TMEM232: variants seen among roughly 807,000 people sequenced by gnomAD.
The protein encoded by TMEM232 is transmembrane protein 232.
Under a neutral mutation model 78.8 loss-of-function variants are expected in TMEM232, and 80 were observed. The ratio of observed to expected loss-of-function variants is 1.01; its 90% CI spans 0.85 to 1.22. TMEM232 has a LOEUF of 1.22. TMEM232 is among the 50% of genes most tolerant of loss of function. The probability of loss-of-function intolerance (pLI) is 0.00; values close to 1 mark genes in which losing one functional copy is unlikely to be tolerated. For missense variants in TMEM232, 881 were observed against 742.2 expected (o/e 1.19, Z -2.17); for synonymous variants, 297 against 254.3 (o/e 1.17, Z -1.60).
intron 8 of TMEM232, among the ~76,000 whole-genome samples, chr5:110,613,177 T>G (rs1782523819): frequency 6.6e-6 from 1 of 152,164 alleles, no homozygotes; most frequent in African/African-American, 2.4e-5. Context: ...TTGCCTTCCT[T>G]GAGCCCTTTT....
chr5:110,585,929 A>T (rs1482500007), intron 10 of TMEM232, among the ~76,000 whole-genome samples: 1 of 152,308 alleles, frequency 6.6e-6, no homozygotes, highest in African/African-American at 2.4e-5. Context: ...CTCATCCCAA[A>T]CTAGTCACTA....
chr5:110,590,452 C>G (rs1474369919), intron 10 of TMEM232, among the ~76,000 whole-genome samples: 6 of 152,012 alleles, frequency 3.9e-5, no homozygotes. Context: ...GAACATGAAC[C>G]CTATTGTGAA....
At chr5:110,672,735 A>G (rs1791523765) in intron 1 of TMEM232, among the ~76,000 whole-genome samples, 1 of 152,164 alleles carries the variant, frequency 6.6e-6, no homozygotes, top group African/African-American at 2.4e-5. Context: ...AGAAAAAAAT[A>G]TTAGTTCTTT....
rs541832916 is a variant in TMEM232 at position 110,594,791 on chromosome 5, G to A, written c.1276+10318C>T. 3.0e-4 allele frequency among the ~76,000 whole-genome samples: 46 copies of A among 152,340 alleles called. 1 individual carries two copies. Among genetic ancestry groups the A allele is most frequent in the African/African-American group, 1.1e-3 (46 of 41,582 alleles). On this transcript the variant is annotated intron_variant, in intron 10 of 13. Coordinates refer to ENST00000455884, the MANE Select transcript of TMEM232 (RefSeq NM_001039763.4). The stretch of plus-strand genomic sequence containing the variant: ...AGAAAGGCAGCAGCCCCAGTCAGGG[G>A]CTTATAGATAAAACTCCCATCTCCC...
intron 1 of TMEM232, chr5:110,725,808 T>G (rs1454726917): frequency 6.6e-6 from 1 of 152,128 alleles, no homozygotes; most frequent in Non-Finnish European, 1.5e-5. Flanking sequence ...ACTGTATACT[T>G]TAAAAGACAA....
intron 12 of TMEM232, among the ~76,000 whole-genome samples, chr5:110,473,935 C>T (rs1482165230): frequency 1.0e-5 from 1 of 97,170 alleles, no homozygotes; most frequent in Non-Finnish European, 2.0e-5. Context: ...AAATAACTTA[C>T]TCCTGTGTGA....
At chr5:110,585,177 T>C (rs1338257436) in intron 10 of TMEM232, among the ~76,000 whole-genome samples, 1 of 152,066 alleles carries the variant, frequency 6.6e-6, no homozygotes, top group East Asian at 1.9e-4. Flanking sequence ...CCAGCGTGTG[T>C]TTTTAGCCCA....
At chr5:110,508,307 A>T (rs753164553) in intron 12 of TMEM232, among the ~76,000 whole-genome samples, 9 of 152,082 alleles carry the variant, frequency 5.9e-5, no homozygotes, top group Non-Finnish European at 1.0e-4. Context: ...AATGGATATG[A>T]CAATTTATTA....
intron 12 of TMEM232, among the ~76,000 whole-genome samples, chr5:110,491,029 AAAG>A (rs1765033404): frequency 6.6e-6 from 1 of 152,162 alleles, no homozygotes; most frequent in Non-Finnish European, 1.5e-5. Flanking sequence ...CCCTATCAAG[AAAG>A]TGAAAATCCA....
upstream of TMEM232, chr5:110,738,810 C>A: frequency 2.0e-6 from 1 of 511,800 alleles, no homozygotes; most frequent in Non-Finnish European, 3.3e-6. Flanking sequence ...CACCAGTTCT[C>A]TTTCTGGAAT....
At chr5:110,523,689 A>C (rs1416363679) in intron 12 of TMEM232, among the ~76,000 whole-genome samples, 1 of 152,100 alleles carries the variant, frequency 6.6e-6, no homozygotes, top group Non-Finnish European at 1.5e-5. Context: ...ATGGCGAATC[A>C]TGCTTATAAT....
At chr5:110,622,376 G>A (rs1165585626) in intron 7 of TMEM232, among the ~76,000 whole-genome samples, 1 of 152,148 alleles carries the variant, frequency 6.6e-6, no homozygotes, top group Non-Finnish European at 1.5e-5. Context: ...CTGCATTGTA[G>A]CAGGGTTTAA....
At chr5:110,647,684 T>G (rs1431916163) in intron 2 of TMEM232, among the ~76,000 whole-genome samples, 1 of 151,982 alleles carries the variant, frequency 6.6e-6, no homozygotes, top group Non-Finnish European at 1.5e-5. Flanking sequence ...GATCTTAATA[T>G]GCAGAATATA....
intron 1 of TMEM232, among the ~76,000 whole-genome samples, chr5:110,696,354 T>C (rs949619815): frequency 6.6e-6 from 1 of 152,158 alleles, no homozygotes; most frequent in Non-Finnish European, 1.5e-5. Flanking sequence ...TCATACTGAA[T>C]GGACAAAAAC....
At chr5:110,556,669 G>A (rs1024372297) in intron 11 of TMEM232, among the ~76,000 whole-genome samples, 1 of 152,076 alleles carries the variant, frequency 6.6e-6, no homozygotes, top group Non-Finnish European at 1.5e-5. Flanking sequence ...TTACAAGCCC[G>A]ACAGAATCTT....
intron 1 of TMEM232, among the ~76,000 whole-genome samples, chr5:110,703,877 A>G (rs1029375019): frequency 6.6e-6 from 1 of 152,098 alleles, no homozygotes; most frequent in African/African-American, 2.4e-5. Context: ...AAAATTAACT[A>G]AAGCTTTTCA....
intron 7 of TMEM232, among the ~76,000 whole-genome samples, chr5:110,621,070 T>C (rs1580389442): frequency 1.3e-5 from 2 of 151,760 alleles, no homozygotes; most frequent in East Asian, 3.9e-4. Context: ...ACCATTTTGG[T>C]CAGTCTGGTC....
At chr5:110,618,820 T>C (rs938718953) in intron 7 of TMEM232, among the ~76,000 whole-genome samples, 1 of 152,128 alleles carries the variant, frequency 6.6e-6, no homozygotes, top group Non-Finnish European at 1.5e-5. Flanking sequence ...ACAGCAAAAA[T>C]TCTGGATCAC....
At chr5:110,469,520 C>T (rs1254560569) in intron 12 of TMEM232, among the ~76,000 whole-genome samples, 1 of 152,216 alleles carries the variant, frequency 6.6e-6, no homozygotes, top group Non-Finnish European at 1.5e-5. Context: ...TACCCCTCTC[C>T]AAGCCACTGC....
Sources: gnomAD v4.1 joint callset for allele counts (sites outside exome capture counted in the v4.1 genomes callset) on GRCh38, gnomAD v4.1.1 for gene constraint, MANE v1.5 for transcripts, NCBI Gene and HGNC (gene_info 2026-07-23, HGNC 2026-07-21) for gene names.